The following SORBS3 variants were observed in gnomAD, a reference collection of about 807,000 sequenced individuals.
SORBS3 encodes sorbin and SH3 domain containing 3, also known as vinexin.
SORBS3 carries 69 observed loss-of-function variants against 98.0 expected under a neutral mutation model. The observed-to-expected ratio is 0.70, with a 90% CI of 0.58 to 0.86. The LOEUF (loss-of-function observed/expected upper bound fraction) is 0.86. SORBS3 is among the 40% of genes least tolerant of loss of function. SORBS3 has a pLI of 0.00. For missense variants in SORBS3, 954 were observed against 908.5 expected, an observed-to-expected ratio of 1.05 and a Z score of -0.64; for synonymous variants, 394 against 355.4, an observed-to-expected ratio of 1.11 and a Z score of -1.22.
intron 16 of SORBS3, 123 bp from the exon 17 acceptor site, chr8:22,569,025 G>T: frequency 2.9e-6 from 3 of 1,029,586 alleles, no homozygotes; most frequent in Non-Finnish European, 4.0e-6. Flanking sequence ...CTTGTGTCTG[G>T]TGTTTATATC....
At chr8:22,570,688 C>T (rs1840551018) in intron 17 of SORBS3, among the ~76,000 whole-genome samples, 1 of 152,194 alleles carries the variant, frequency 6.6e-6, no homozygotes, top group Non-Finnish European at 1.5e-5. Context: ...GTTGAGCTTC[C>T]AAGAGGCAGG....
At chr8:22,571,498 G>T (rs1372264475) in intron 18 of SORBS3, among the ~76,000 whole-genome samples, 4 of 152,204 alleles carry the variant, frequency 2.6e-5, no homozygotes, top group Non-Finnish European at 4.4e-5. Context: ...AGAAACCCAG[G>T]CACTGACCTT....
chr8:22,565,615 C>T (rs1169563219), intron 11 of SORBS3: 1 of 941,002 alleles, frequency 1.1e-6, no homozygotes, highest in Non-Finnish European at 1.4e-6. Context: ...GCGCCCGCCC[C>T]GTCCGGCCCC....
chr8:22,564,320 C>A lies in SORBS3; in HGVS notation c.713C>A (p.Thr238Lys). ...CGGGAAAAAGTAGACAATGTCTGGA[C>A]GGAAGAGTCCTGGAACCAGTTTCTG... Reference protein sequence around the residue: ...RRREKVDNVWTEESWNQFLQE... With the variant: ...RRREKVDNVWKEESWNQFLQE... The change falls in exon 9 of 21, where the codon ACG becomes AAG. Residue 238 changes from threonine (T) to lysine (K), a missense_variant. Thr to Lys is a moderately conservative substitution (Grantham distance 78). Transcript: ENST00000240123. 1.9e-6 allele frequency: 3 copies of A among 1,613,094 alleles called. No individual in the cohort carries two copies. The highest frequency in any genetic ancestry group is 2.5e-6 in the Non-Finnish European group (3 of 1,179,486).
chr8:22,554,729 G>A lies in SORBS3; in HGVS notation c.102+121G>A. ...GGGAGGGCTGAAGAGAGCTCTGGGG[G>A]GCCTCGCTGGTTTCCCACAAAATCG... On this transcript the variant is annotated intron_variant, in intron 2 of 20. Coordinates refer to ENST00000240123, the MANE Select transcript of SORBS3 (RefSeq NM_005775.5). The surrounding 1 kb of genome is among the most constrained non-coding windows in gnomAD (Gnocchi z 6.5). 7.3e-7 allele frequency: 1 copy of A among 1,363,852 alleles called. No homozygotes were observed. Among genetic ancestry groups the A allele is most frequent in the Non-Finnish European group, 1.0e-6 (1 of 1,004,470 alleles). 84.5% of individuals were successfully genotyped at this position (1,363,852 alleles called of 1,614,324 possible).
In SORBS3 at chr8:22,562,357, C is replaced by T. The variant is rs919103275; in HGVS notation, c.584+426C>T. Among the ~76,000 whole-genome samples the T allele has an allele frequency of 8.5e-5, 13 of 152,300 alleles. No homozygotes were observed. In the East Asian group the frequency reaches 2.3e-3, roughly 27 times the overall value. ...GAGAAAACAAGGGATATGGAAGAAC[C>T]CAAGTTCCAGCCTGATAGCACAGAG... is the stretch of plus-strand genomic sequence containing the variant. On this transcript the variant is annotated intron_variant, in intron 7 of 20. Transcript: ENST00000240123.
intron 1 of SORBS3, among the ~76,000 whole-genome samples, chr8:22,552,696 G>A (rs1045860536): frequency 2.2e-4 from 34 of 152,298 alleles, no homozygotes; most frequent in Admixed American, 9.8e-4. Flanking sequence ...TCAGCTGATG[G>A]CCCAGGCGGC....
intron 16 of SORBS3, among the ~76,000 whole-genome samples, chr8:22,568,673 G>C (rs1840487021): frequency 6.6e-6 from 1 of 152,224 alleles, no homozygotes; most frequent in Non-Finnish European, 1.5e-5. Flanking sequence ...GAAGCAAAGA[G>C]AACGTGAGGA....
At position 22,574,774 on chromosome 8, in the gene SORBS3, C is replaced by T. The variant is rs781437016; in HGVS notation, c.*46C>T. The T allele has an allele frequency of 3.2e-6, 5 of 1,579,844 alleles. No individual in the cohort carries two copies. The highest frequency in any genetic ancestry group is 1.1e-5 in the South Asian group (1 of 90,400). ...GAGCCAGCCAGGATGGGGTGGGGAG[C>T]GGTGGCACTCGTGGGAGGGAGAGGA... On this transcript the variant is annotated 3_prime_UTR_variant, in exon 21 of 21. Coordinates refer to ENST00000240123, the MANE Select transcript of SORBS3 (RefSeq NM_005775.5).
Position 22,554,513 on chromosome 8 carries a change from G to A in SORBS3, c.7G>A (p.Gly3Ser), listed in dbSNP as rs759267569. 6.2e-7 allele frequency: 1 copy of A among 1,611,484 alleles called. No homozygotes were observed. The highest frequency in any genetic ancestry group is 1.7e-5 in the Admixed American group (1 of 59,994). MQ[G>S]PPRSLRAGLS... ...CTCCCACCTTGACCCAAGCATGCAG[G>A]GCCCACCCCGCAGCCTCCGCGCTGG... Residue 3 changes from glycine (G) to serine (S), a missense_variant, in exon 2 of 21, where the codon GGC (glycine) becomes AGC (serine). By Grantham distance (56) the Gly-to-Ser change is moderately conservative. Transcript: ENST00000240123. The surrounding 1 kb of genome is among the most constrained non-coding windows in gnomAD (Gnocchi z 6.5).
intron 17 of SORBS3, among the ~76,000 whole-genome samples, chr8:22,570,112 G>C (rs546883154): frequency 6.6e-6 from 1 of 152,306 alleles, no homozygotes; most frequent in Non-Finnish European, 1.5e-5. Context: ...CAGGGAAGTG[G>C]TCTGCCTTTG....
upstream of SORBS3, chr8:22,550,070 G>A (rs1488158392): frequency 2.0e-5 from 19 of 959,690 alleles, no homozygotes; most frequent in Non-Finnish European, 2.4e-5. Flanking sequence ...TGGGAAAAAT[G>A]CGTGTCTAAG....
intron 10 of SORBS3, 75 bp downstream of exon 10, chr8:22,564,596 A>T (rs928568751): frequency 2.1e-5 from 33 of 1,577,014 alleles, no homozygotes; most frequent in Middle Eastern, 1.7e-4. Context: ...CCCAGTAACC[A>T]TGGGCATAGG....
chr8:22,572,308 A>T, intron 19 of SORBS3, 32 bp from the exon 20 acceptor site: 1 of 1,586,910 alleles, frequency 6.3e-7, no homozygotes, highest in Non-Finnish European at 8.7e-7. Flanking sequence ...CTCTGGGCCC[A>T]TTCTCTGGTT....
At chr8:22,545,093 G>T (rs1045168959) in exon 1 of SORBS3, 1 of 152,212 alleles carries the variant, frequency 6.6e-6, no homozygotes, top group African/African-American at 2.4e-5. Context: ...ACCTTGTCTG[G>T]CACCGGGTCC....
chr8:22,559,054 G>A lies in SORBS3; in HGVS notation c.478+862G>A, dbSNP rs185349241. On this transcript the variant is annotated intron_variant, in intron 5 of 20. Coordinates refer to ENST00000240123, the MANE Select transcript of SORBS3 (RefSeq NM_005775.5). ...CTTCAGCTTTTACGGTGCAAATAAG[G>A]AGGAGCCACTGAGCGGAAGAGTGCC... 3.0e-3 allele frequency among the ~76,000 whole-genome samples: 460 copies of A among 152,338 alleles called. 4 individuals carry two copies. The highest frequency in any genetic ancestry group is 9.9e-3 in the African/African-American group (411 of 41,574).
At chr8:22,571,956 G>C in intron 19 of SORBS3, 135 bp downstream of exon 19, 3 of 663,562 alleles carry the variant, frequency 4.5e-6, no homozygotes, top group Non-Finnish European at 8.0e-6. Flanking sequence ...TCCTCGAAGA[G>C]CTTATGGTGA....
chr8:22,569,338 TAA>T, intron 17 of SORBS3, 65 bp downstream of exon 17: 1 of 1,339,956 alleles, frequency 7.5e-7, no homozygotes, highest in Non-Finnish European at 9.9e-7. Context: ...ATATGTGCAC[TAA>T]AAACAGTTTT....
chr8:22,551,796 C>T (rs1840085871), upstream of SORBS3: 3 of 985,824 alleles, frequency 3.0e-6, no homozygotes, highest in South Asian at 4.7e-5. This position sits in a 1 kb window ranked among gnomAD's most constrained non-coding sequence, Gnocchi z 5.8. Flanking sequence ...CCCGCCCCGC[C>T]GCGCGACTCT....
Sources: gnomAD v4.1 joint callset for allele counts (sites outside exome capture counted in the v4.1 genomes callset) on GRCh38, gnomAD v4.1.1 for gene constraint, Gnocchi (gnomAD v3.1) non-coding constraint, MANE v1.5 for transcripts, NCBI Gene and HGNC (gene_info 2026-07-23, HGNC 2026-07-21) for gene names.